The following GPR173 variants were observed in gnomAD, a reference collection of about 807,000 sequenced individuals.
GPR173 encodes the protein probable G protein-coupled receptor 173.
A neutral mutation model predicts 13.9 loss-of-function variants in GPR173; 2 were observed. The observed-to-expected ratio is 0.14, with a 90% CI of 0.06 to 0.45. The LOEUF (loss-of-function observed/expected upper bound fraction) is 0.45, where lower values mean the gene tolerates loss of function less well. Ranked by LOEUF, GPR173 falls within the 20% of genes least tolerant of loss-of-function variation. The pLI is 0.98. For synonymous variants in GPR173, 131 were observed against 141.0 expected (o/e 0.93, Z 0.50); for missense variants, 202 against 340.5 (o/e 0.59, Z 3.20).
At chrX:53,070,969 C>CTTTT (rs1210687869) in intron 1 of GPR173, 1 of 98,647 alleles carries the variant, frequency 1.0e-5, no homozygotes, top group Non-Finnish European at 2.0e-5. Context: ...CTCCCAATGT[C>CTTTT]TTTTTTTTTT....
intron 1 of GPR173, among the ~76,000 whole-genome samples, chrX:53,050,039 C>A (rs1931935632): frequency 9.1e-6 from 1 of 109,847 alleles, no homozygotes; most frequent in Admixed American, 9.7e-5. Context: ...CAGACCATCC[C>A]CCACTCCTTC....
At chrX:53,069,272 T>TAAAA (rs782701038) in intron 1 of GPR173, among the ~76,000 whole-genome samples, 2 of 91,645 alleles carry the variant, frequency 2.2e-5, no homozygotes, top group East Asian at 6.5e-4. Context: ...CCTTTTCTCT[T>TAAAA]AAAAAAAAAA....
At chrX:53,055,995 G>A (rs1932030613) in intron 1 of GPR173, among the ~76,000 whole-genome samples, 1 of 109,108 alleles carries the variant, frequency 9.2e-6, no homozygotes, top group South Asian at 3.9e-4. Flanking sequence ...TAATTGGATG[G>A]GGTGTGGGTA....
rs187915064 is a variant in GPR173 at position 53,053,518 on chromosome X, A to C, written c.-98+4034A>C. On this transcript the variant is annotated intron_variant, in intron 1 of 1. Coordinates refer to ENST00000332582, the MANE Select transcript of GPR173 (RefSeq NM_018969.6). ...CGTGCCTATGTTTAAGAGTAAATGG[A>C]TGTACACGTATGACTAAGTACAGTG... 1.9e-4 allele frequency among the ~76,000 whole-genome samples: 22 copies of C among 113,384 alleles called. No individual in the cohort carries two copies. In the East Asian group the frequency reaches 2.5e-3, roughly 13 times the overall value.
At chrX:53,055,944 T>C (rs1932029757) in intron 1 of GPR173, among the ~76,000 whole-genome samples, 1 of 108,585 alleles carries the variant, frequency 9.2e-6, no homozygotes, top group South Asian at 4.0e-4. Flanking sequence ...TGTGTGTCTG[T>C]GTGTGTGGAT....
In GPR173 at chrX:53,080,518, T is replaced by A. The variant is rs1932521073; in HGVS notation, c.*2775T>A. 1.6e-5 allele frequency: 2 copies of A among 122,266 alleles called. No individual in the cohort carries two copies. Among genetic ancestry groups the A allele is most frequent in the African/African-American group, 6.6e-5 (2 of 30,426 alleles). 10.1% of individuals were successfully genotyped at this position (122,266 alleles called of 1,213,427 possible). On this transcript the variant is annotated 3_prime_UTR_variant, in exon 2 of 2. Transcript: ENST00000332582. ...GTGTATTTAACGTACGTCCTTCCAA[T>A]CCACCGTTCATGTGTTTATTTACAT...
At chrX:53,060,014 T>TTATATA (rs371575080) in intron 1 of GPR173, among the ~76,000 whole-genome samples, 60 of 98,732 alleles carry the variant, frequency 6.1e-4, no homozygotes, top group African/African-American at 2.2e-3. Context: ...AAAGTGTATA[T>TTATATA]TATATATATA....
intron 1 of GPR173, among the ~76,000 whole-genome samples, chrX:53,075,685 C>G (rs1556805720): frequency 1.8e-5 from 2 of 110,251 alleles, no homozygotes; most frequent in Non-Finnish European, 3.8e-5. Context: ...CAAGGCATCT[C>G]TGCGACTTCA....
At chrX:53,049,660 T>A (rs1931925365) in intron 1 of GPR173, among the ~76,000 whole-genome samples, 176 bp downstream of exon 1, 1 of 109,977 alleles carries the variant, frequency 9.1e-6, no homozygotes, top group South Asian at 3.8e-4. Context: ...ACTCCTCATC[T>A]TCCCCCCATC....
chrX:53,062,572 CTTTT>C (rs1165015535), intron 1 of GPR173, among the ~76,000 whole-genome samples: 2 of 41,010 alleles, frequency 4.9e-5, no homozygotes, highest in Non-Finnish European at 8.1e-5. Flanking sequence ...TTGTCTTCTT[CTTTT>C]TTTTTTTTTT....
chrX:53,068,782 A>AAATAAATAAATAAATAAATG (rs1193553364), intron 1 of GPR173, among the ~76,000 whole-genome samples: 5 of 105,377 alleles, frequency 4.7e-5, no homozygotes, highest in East Asian at 2.9e-4. Context: ...ATAAATAAAT[A>AAATAAATAAATAAATAAATG]AATAAATATT....
chrX:53,074,532 AAC>A, intron 1 of GPR173, among the ~76,000 whole-genome samples: 1 of 29,702 alleles, frequency 3.4e-5, no homozygotes. Context: ...ATTTATAAAT[AAC>A]TATAAATATA....
intron 1 of GPR173, among the ~76,000 whole-genome samples, chrX:53,072,269 GTC>G (rs782305798): frequency 1.8e-5 from 2 of 108,618 alleles, no homozygotes; most frequent in East Asian, 2.9e-4. Flanking sequence ...CTTTATTTCT[GTC>G]TCTCTCTCTA....
intron 1 of GPR173, among the ~76,000 whole-genome samples, chrX:53,075,187 C>G (rs1932412670): frequency 9.3e-6 from 1 of 107,443 alleles, no homozygotes; most frequent in Admixed American, 1.0e-4. Context: ...AGTCCCACCT[C>G]AGGGCCTTTG....
At chrX:53,062,189 C>A (rs1180572213) in intron 1 of GPR173, among the ~76,000 whole-genome samples, 3 of 111,086 alleles carry the variant, frequency 2.7e-5, no homozygotes, top group African/African-American at 9.8e-5. Context: ...GTTTCCAACA[C>A]ATGAACTTCG....
intron 1 of GPR173, 144 bp downstream of exon 1, chrX:53,049,628 T>A (rs1931924927): frequency 9.0e-6 from 1 of 111,300 alleles, no homozygotes; most frequent in African/African-American, 3.3e-5. Flanking sequence ...ATCAAGGGGC[T>A]CCTTGGTACC....
intron 1 of GPR173, among the ~76,000 whole-genome samples, chrX:53,061,991 A>AAAGAAGAGAAG (rs1556803836): frequency 2.8e-5 from 3 of 105,494 alleles, no homozygotes; most frequent in Non-Finnish European, 5.8e-5. Flanking sequence ...AGGGAAGAGA[A>AAAGAAGAGAAG]AGAAGAGAAG....
At chrX:53,068,764 A>T (rs1476996509) in intron 1 of GPR173, among the ~76,000 whole-genome samples, 3 of 65,753 alleles carry the variant, frequency 4.6e-5, no homozygotes, top group African/African-American at 3.0e-4. Flanking sequence ...GAGACCCTGT[A>T]TAAATAAATA....
chrX:53,054,116 A>T (rs1199502998), intron 1 of GPR173, among the ~76,000 whole-genome samples: 1 of 107,531 alleles, frequency 9.3e-6, no homozygotes, highest in African/African-American at 3.5e-5. Context: ...TGTATATATA[A>T]AAGTGAAAGT....
Sources: gnomAD v4.1 joint callset for allele counts (sites outside exome capture counted in the v4.1 genomes callset) on GRCh38, gnomAD v4.1.1 for gene constraint, MANE v1.5 for transcripts, NCBI Gene and HGNC (gene_info 2026-07-23, HGNC 2026-07-21) for gene names.